Variants in SEC22C observed in about 807,000 individuals in gnomAD.
SEC22C encodes the protein SEC22 homolog C, vesicle trafficking protein, also known as vesicle-trafficking protein SEC22c.
SEC22C carries 29 observed loss-of-function variants against 34.7 expected under a neutral mutation model. The observed-to-expected ratio is 0.84, with a 90% CI of 0.62 to 1.14. The LOEUF is 1.14. Among genes scored for constraint, SEC22C ranks in the 50% most tolerant of loss-of-function variants. The pLI, the probability that SEC22C is intolerant of heterozygous loss-of-function variation, is 0.00. For missense variants in SEC22C, 337 were observed against 369.0 expected (o/e 0.91, Z 0.71); for synonymous variants, 117 against 132.8 (o/e 0.88, Z 0.82).
intron 2 of SEC22C, chr3:42,566,703 T>C (rs1451657145): frequency 3.3e-5 from 6 of 182,624 alleles, no homozygotes; most frequent in Admixed American, 3.3e-4. Context: ...AAATTTACTA[T>C]TCAAGGAGAA....
chr3:42,574,386 A>C (rs1474917995), intron 1 of SEC22C, among the ~76,000 whole-genome samples: 1 of 150,020 alleles, frequency 6.7e-6, no homozygotes, highest in East Asian at 1.9e-4. Context: ...AAAAAAAGGA[A>C]TAAAAGAAAA....
chr3:42,554,246 G>A (rs1428433633), intron 6 of SEC22C, among the ~76,000 whole-genome samples: 1 of 152,162 alleles, frequency 6.6e-6, no homozygotes, highest in Non-Finnish European at 1.5e-5. Flanking sequence ...CATAGCTCTA[G>A]GAAACTGCCA....
At chr3:42,593,121 G>A (rs948487265) in intron 1 of SEC22C, among the ~76,000 whole-genome samples, 1 of 152,184 alleles carries the variant, frequency 6.6e-6, no homozygotes, top group African/African-American at 2.4e-5. Flanking sequence ...TAAACTGTGA[G>A]CCAGGTGTGG....
chr3:42,580,756 T>C (rs1704285719), intron 1 of SEC22C, among the ~76,000 whole-genome samples: 1 of 152,198 alleles, frequency 6.6e-6, no homozygotes, highest in Non-Finnish European at 1.5e-5. Flanking sequence ...TTCCACCACA[T>C]CCTTCTTCTA....
At chr3:42,596,696 C>T (rs1329345833) in intron 1 of SEC22C, among the ~76,000 whole-genome samples, 1 of 152,164 alleles carries the variant, frequency 6.6e-6, no homozygotes, top group African/African-American at 2.4e-5. Context: ...AATTTCAAAT[C>T]ACAAGACAGA....
At chr3:42,557,768 T>A in intron 4 of SEC22C, 72 bp from the exon 5 acceptor site, 1 of 729,744 alleles carries the variant, frequency 1.4e-6, no homozygotes, top group Non-Finnish European at 2.5e-6. Flanking sequence ...ACGAAGACAT[T>A]AACTAGACCT....
chr3:42,562,149 C>A (rs946758579), intron 3 of SEC22C, among the ~76,000 whole-genome samples: 2 of 152,124 alleles, frequency 1.3e-5, no homozygotes, highest in Non-Finnish European at 1.5e-5. Context: ...TACAAACTGG[C>A]AAAGCAAAAT....
chr3:42,581,231 T>C (rs1347504945), intron 1 of SEC22C: 1 of 152,228 alleles, frequency 6.6e-6, no homozygotes, highest in East Asian at 1.9e-4. Flanking sequence ...CTGAGCTGTA[T>C]TTTTTTCTGA....
intron 1 of SEC22C, chr3:42,591,138 G>C (rs1438524056): frequency 1.4e-6 from 1 of 701,436 alleles, no homozygotes. Context: ...GCCGGGGCAG[G>C]ACCCCGGCAT....
chr3:42,596,241 C>T lies in SEC22C; in HGVS notation c.-28+4719G>A, dbSNP rs376101937. ...TTCTCCATGTTGGTCAGGCTGGTCT[C>T]GTACTCACGACCTCAGGTGATCCAC... On this transcript the variant is annotated intron_variant, in intron 1 of 6. Coordinates refer to the SEC22C transcript ENST00000417572. Among the ~76,000 whole-genome samples the T allele has an allele frequency of 2.2e-4, 34 of 152,252 alleles. No individual in the cohort carries two copies. In the East Asian group the frequency reaches 4.6e-3, roughly 21 times the overall value.
chr3:42,571,472 G>A (rs991243818), intron 1 of SEC22C, among the ~76,000 whole-genome samples: 1 of 152,230 alleles, frequency 6.6e-6, no homozygotes, highest in African/African-American at 2.4e-5. Flanking sequence ...GTGAGTGTAT[G>A]TGAATGTACA....
chr3:42,549,140 T>TCC lies in SEC22C; in HGVS notation c.*4107_*4108insGG. The TCC allele has an allele frequency of 1.0e-6, 1 of 991,600 alleles. No homozygotes were observed. Among genetic ancestry groups the TCC allele is most frequent in the Non-Finnish European group, 1.2e-6 (1 of 833,230 alleles). 61.4% of individuals were successfully genotyped at this position (991,600 alleles called of 1,614,324 possible). ...AGCTACACTCTTTCTCCACCATTAT[T>TCC]AACACTCACAGGGCACAGGTAGAGC... On this transcript the variant is annotated 3_prime_UTR_variant, in exon 7 of 7. Coordinates refer to ENST00000264454, the MANE Select transcript of SEC22C (RefSeq NM_032970.4).
chr3:42,551,690 A>C lies in SEC22C; in HGVS notation c.*1558T>G. On this transcript the variant is annotated 3_prime_UTR_variant, in exon 7 of 7. Transcript: ENST00000264454. The stretch of plus-strand genomic sequence containing the variant: ...AAAATAGAAAATTCTATTATAAAAA[A>C]TAAAGTTACTATGGCAACATTTTCC... 1 of 964,914 alleles carries C rather than the reference A, an allele frequency of 1.0e-6. No individual in the cohort carries two copies. The highest frequency in any genetic ancestry group is 1.2e-6 in the Non-Finnish European group (1 of 811,206). 59.8% of individuals were successfully genotyped at this position (964,914 alleles called of 1,614,324 possible).
In SEC22C at chr3:42,552,887, T is replaced by C; in HGVS notation, c.*361A>G. ...GTGGTTCCTTGGAGACAACTCTCAA[T>C]GACTAAAACCAGTGTTATTGAATCA... On this transcript the variant is annotated 3_prime_UTR_variant, in exon 7 of 7. Coordinates refer to ENST00000264454, the MANE Select transcript of SEC22C (RefSeq NM_032970.4). The C allele has an allele frequency of 9.6e-7, 1 of 1,044,882 alleles. No individual in the cohort carries two copies. The highest frequency in any genetic ancestry group is 1.2e-6 in the Non-Finnish European group (1 of 867,726). 64.7% of individuals were successfully genotyped at this position (1,044,882 alleles called of 1,614,324 possible).
At position 42,550,959 on chromosome 3, in the gene SEC22C, C is replaced by T; in HGVS notation, c.*2289G>A. ...TCTCGGCTCACTGCAACCTCCACCT[C>T]CCGGGTTCAAGAGATTCTCCTGCCT... is the stretch of plus-strand genomic sequence containing the variant. On this transcript the variant is annotated 3_prime_UTR_variant, in exon 7 of 7. Transcript: ENST00000264454. The T allele has an allele frequency of 2.6e-6, 2 of 783,576 alleles. No homozygotes were observed. Among genetic ancestry groups the T allele is most frequent in the South Asian group, 5.9e-5 (1 of 17,044 alleles). The allele number at this position is 783,576 out of a possible 1,614,324, so 48.5% of individuals were successfully genotyped here. A position where few individuals can be genotyped will look rare whatever the true frequency, so the allele number is the denominator to read the frequency against.
In SEC22C at chr3:42,568,940, C is replaced by T. The variant is rs1347085453; in HGVS notation, c.107G>A (p.Arg36Gln). 9 of 1,614,044 alleles carry T rather than the reference C, an allele frequency of 5.6e-6. No individual in the cohort carries two copies. In the East Asian group the frequency reaches 8.9e-5, roughly 16 times the overall value. Reference sequence around the variant, plus strand: ...CAGTCGCAAGGCTAAACTCTTGAGCCGTCTCCTCCATTCCAAAAAATCTTG... The same window carrying T: ...CAGTCGCAAGGCTAAACTCTTGAGCTGTCTCCTCCATTCCAAAAAATCTTG... ...HTQDFLEWRR[R>Q]LKSLALRLAQ... The change falls in exon 2 of 7, where the codon CGG becomes CAG. Residue 36 changes from arginine to glutamine, a missense_variant. Transcript: ENST00000264454.
At chr3:42,558,788 T>C (rs576914783) in intron 4 of SEC22C, among the ~76,000 whole-genome samples, 44 of 144,074 alleles carry the variant, frequency 3.1e-4, no homozygotes, top group African/African-American at 1.0e-3. Context: ...CAAGAACCTG[T>C]CTCAAAAAAA....
chr3:42,591,547 T>G (rs771069709), intron 1 of SEC22C: 1 of 1,614,038 alleles, frequency 6.2e-7, no homozygotes, highest in East Asian at 2.2e-5. Flanking sequence ...AATGACCAGC[T>G]GATCCGCTGT....
Position 42,557,715 on chromosome 3 carries a change from A to C in SEC22C, c.527-19T>G. ...TTAGGAGCTTCACAATGGAAAAAAA[A>C]CAAGTGTCTAGTGTAAGTAATTTCT... is the stretch of plus-strand genomic sequence containing the variant. On this transcript the variant is annotated intron_variant, in intron 4 of 6. Transcript: ENST00000264454. 7.7e-7 allele frequency: 1 copy of C among 1,292,218 alleles called. No homozygotes were observed. Among genetic ancestry groups the C allele is most frequent in the Non-Finnish European group, 1.1e-6 (1 of 894,122 alleles). 80.0% of individuals were successfully genotyped at this position (1,292,218 alleles called of 1,614,324 possible).
Sources: allele counts gnomAD v4.1 joint callset (sites outside exome capture counted in the v4.1 genomes callset), GRCh38; gene constraint gnomAD v4.1.1; transcripts MANE v1.5; gene names NCBI Gene and HGNC (gene_info 2026-07-23, HGNC 2026-07-21).